The following CAMTA1 variants were observed in gnomAD, a reference collection of about 807,000 sequenced individuals.
CAMTA1 encodes the protein calmodulin binding transcription activator 1.
Under a neutral mutation model 170.9 loss-of-function variants are expected in CAMTA1, and 27 were observed. That is an observed-to-expected ratio of 0.16 (90% CI 0.12 to 0.22). CAMTA1 has a LOEUF of 0.22. CAMTA1 is among the 10% of genes least tolerant of loss of function. CAMTA1 has a pLI of 1.00. For synonymous variants in CAMTA1, 833 were observed against 891.5 expected, an observed-to-expected ratio of 0.93 and a Z score of 1.17; for missense variants, 1,619 against 2,217.2, an observed-to-expected ratio of 0.73 and a Z score of 5.42.
intron 3 of CAMTA1, among the ~76,000 whole-genome samples, chr1:6,828,286 CTTTTTTTTTTTTTT>C (rs746522147): frequency 2.9e-5 from 2 of 69,714 alleles, no homozygotes; most frequent in African/African-American, 6.4e-5. Flanking sequence ...TCATTCCATC[CTTTTTTTTTTTTTT>C]TTTTTTTTTT....
chr1:7,688,788 A>C (rs1385086103), intron 11 of CAMTA1, among the ~76,000 whole-genome samples: 8 of 152,154 alleles, frequency 5.3e-5, no homozygotes, highest in Middle Eastern at 3.2e-3. Context: ...CTTGTCCCCC[A>C]CATCTGTGAC....
intron 3 of CAMTA1, among the ~76,000 whole-genome samples, chr1:6,900,906 A>G (rs1676792693): frequency 6.6e-6 from 1 of 152,256 alleles, no homozygotes; most frequent in South Asian, 2.1e-4. Context: ...AACTAATTGC[A>G]AGGTTTTTAT....
chr1:6,874,106 G>A (rs981648629), intron 3 of CAMTA1: 2 of 152,210 alleles, frequency 1.3e-5, no homozygotes, highest in Non-Finnish European at 2.9e-5. Context: ...TCTCCCACTT[G>A]CTTTTTAGGG....
chr1:7,004,253 T>C (rs1486088160), intron 3 of CAMTA1, among the ~76,000 whole-genome samples: 2 of 152,238 alleles, frequency 1.3e-5, no homozygotes, highest in African/African-American at 2.4e-5. Flanking sequence ...TTTTCTTTTT[T>C]TTCCCTCAAA....
intron 5 of CAMTA1, among the ~76,000 whole-genome samples, chr1:7,459,348 A>G (rs1183351248): frequency 1.3e-5 from 2 of 152,098 alleles, no homozygotes; most frequent in African/African-American, 4.8e-5. Flanking sequence ...CCCACACAGG[A>G]TCTTGCCAAG....
At chr1:6,940,350 C>T (rs1393089901) in intron 3 of CAMTA1, among the ~76,000 whole-genome samples, 1 of 152,220 alleles carries the variant, frequency 6.6e-6, no homozygotes, top group East Asian at 1.9e-4. Flanking sequence ...CCAGCTCCAG[C>T]AGGCAGGCAG....
rs2095764486 is a variant in CAMTA1, at chr1:7,641,948, C to T, written c.664+1395C>T. On this transcript the variant is annotated intron_variant, in intron 7 of 22. Coordinates refer to ENST00000303635, the MANE Select transcript of CAMTA1 (RefSeq NM_015215.4). This position sits in a 1 kb window ranked among gnomAD's most constrained non-coding sequence, Gnocchi z 4.5. ...AGCTCCTGAGCACAGCCTGCAGCCCCCCCACCCGCAGCCCCCGGCCTCTGC... is the reference window on the plus strand; with the variant it reads ...AGCTCCTGAGCACAGCCTGCAGCCCTCCCACCCGCAGCCCCCGGCCTCTGC... 6.6e-6 allele frequency among the ~76,000 whole-genome samples: 1 copy of T among 152,116 alleles called. No individual in the cohort carries two copies. The highest frequency in any genetic ancestry group is 2.4e-5 in the African/African-American group (1 of 41,402).
chr1:7,044,442 G>A lies in CAMTA1; in HGVS notation c.235-46862G>A, dbSNP rs1232974325. ...TGCCACTGGGGACCCCGGGAAAGCAGGGCAGTGCCACTGGGACCCAGATCA... is the reference window on the plus strand; with the variant it reads ...TGCCACTGGGGACCCCGGGAAAGCAAGGCAGTGCCACTGGGACCCAGATCA... On this transcript the variant is annotated intron_variant, in intron 3 of 22. Transcript: ENST00000303635. This position sits in a 1 kb window ranked among gnomAD's most constrained non-coding sequence, Gnocchi z 5.0. 6.6e-6 allele frequency among the ~76,000 whole-genome samples: 1 copy of A among 152,210 alleles called. No homozygotes were observed. Among genetic ancestry groups the A allele is most frequent in the African/African-American group, 2.4e-5 (1 of 41,462 alleles).
At chr1:7,157,529 TAA>T (rs139350865) in intron 4 of CAMTA1, among the ~76,000 whole-genome samples, 4,595 of 152,134 alleles carry the variant, frequency 0.03, 233 homozygotes, top group African/African-American at 0.1. Context: ...GTGAAAATTT[TAA>T]AAGACTGAGG....
At chr1:7,024,093 A>T (rs954110390) in intron 3 of CAMTA1, among the ~76,000 whole-genome samples, 27 of 152,002 alleles carry the variant, frequency 1.8e-4, no homozygotes, top group African/African-American at 6.0e-4. Context: ...GATGGTCCTG[A>T]TGAGATCCAC....
intron 5 of CAMTA1, among the ~76,000 whole-genome samples, chr1:7,294,270 G>A (rs1441877324): frequency 6.6e-6 from 1 of 152,206 alleles, no homozygotes; most frequent in African/African-American, 2.4e-5. Context: ...GTTTAACACT[G>A]GCTGAGTGTC....
intron 4 of CAMTA1, among the ~76,000 whole-genome samples, chr1:7,174,923 A>G (rs1388657905): frequency 2.0e-5 from 3 of 152,210 alleles, no homozygotes; most frequent in Non-Finnish European, 4.4e-5. Context: ...TGACATCCGG[A>G]TGTCCCATCA....
chr1:6,795,869 C>T (rs952136754), intron 1 of CAMTA1, among the ~76,000 whole-genome samples: 4 of 152,066 alleles, frequency 2.6e-5, no homozygotes, highest in Admixed American at 1.3e-4. Context: ...TACCATTAGT[C>T]AGCCCATAAA....
At chr1:6,790,394 G>T (rs1043087204) in intron 1 of CAMTA1, among the ~76,000 whole-genome samples, 2 of 151,768 alleles carry the variant, frequency 1.3e-5, no homozygotes, top group Non-Finnish European at 2.9e-5. Flanking sequence ...GTGTGTGTGT[G>T]TGTGTGTGTG....
intron 6 of CAMTA1, among the ~76,000 whole-genome samples, chr1:7,551,070 G>A (rs541388711): frequency 1.1e-4 from 17 of 152,282 alleles, no homozygotes; most frequent in African/African-American, 3.6e-4. Context: ...CGCAGGATTG[G>A]CCTGGGAGAG....
At chr1:7,012,401 G>A (rs2100798987) in intron 3 of CAMTA1, among the ~76,000 whole-genome samples, 1 of 152,130 alleles carries the variant, frequency 6.6e-6, no homozygotes, top group East Asian at 1.9e-4. Context: ...GCTGCTCTTG[G>A]TCCTGCCTCC....
At chr1:7,704,806 G>A (rs2096489863) in intron 11 of CAMTA1, among the ~76,000 whole-genome samples, 2 of 148,032 alleles carry the variant, frequency 1.4e-5, no homozygotes, top group Admixed American at 6.7e-5. Flanking sequence ...GGCTGGGCCG[G>A]GCCGGGCGGG....
intron 3 of CAMTA1, among the ~76,000 whole-genome samples, chr1:6,922,050 A>G (rs1682131352): frequency 1.3e-5 from 2 of 152,248 alleles, no homozygotes; most frequent in Admixed American, 6.5e-5. Flanking sequence ...TTTGACACCA[A>G]CAATATAAGA....
At chr1:7,517,903 AC>A (rs1385612667) in intron 6 of CAMTA1, among the ~76,000 whole-genome samples, 4 of 151,760 alleles carry the variant, frequency 2.6e-5, no homozygotes, top group African/African-American at 9.7e-5. Context: ...GGCCTGGAGG[AC>A]CCCTCCTGCA....
Sources: allele counts gnomAD v4.1 joint callset (sites outside exome capture counted in the v4.1 genomes callset), GRCh38; gene constraint gnomAD v4.1.1; non-coding constraint Gnocchi (gnomAD v3.1); transcripts MANE v1.5; gene names NCBI Gene and HGNC (gene_info 2026-07-23, HGNC 2026-07-21).